CACNA1C: variants seen among roughly 807,000 people sequenced by gnomAD.
CACNA1C encodes the protein calcium voltage-gated channel subunit alpha1 C.
Under a neutral mutation model 229.0 loss-of-function variants are expected in CACNA1C, and 30 were observed. The ratio of observed to expected loss-of-function variants is 0.13; its 90% confidence interval spans 0.10 to 0.18. CACNA1C has a LOEUF of 0.18. Among genes scored for constraint, CACNA1C ranks in the 10% least tolerant of loss-of-function variants. CACNA1C has a pLI of 1.00. For missense variants in CACNA1C, 1,658 were observed against 2,845.0 expected, an observed-to-expected ratio of 0.58 and a Z score of 9.49; for synonymous variants, 1,114 against 1,132.5, an observed-to-expected ratio of 0.98 and a Z score of 0.33.
intron 13 of CACNA1C, 36 bp from the exon 14 acceptor site, chr12:2,581,554 G>A (rs1287935179): frequency 2.0e-6 from 3 of 1,521,630 alleles, no homozygotes; most frequent in East Asian, 2.5e-5. Flanking sequence ...GGACAGCAAG[G>A]GGCAGAGTGC....
intron 3 of CACNA1C, among the ~76,000 whole-genome samples, chr12:2,294,173 G>A (rs770085465): frequency 6.6e-5 from 10 of 152,114 alleles, no homozygotes; most frequent in Non-Finnish European, 1.0e-4. Flanking sequence ...TCATAATTTA[G>A]GACAGAGGAA....
At chr12:2,311,483 C>T (rs1220019162) in intron 3 of CACNA1C, among the ~76,000 whole-genome samples, 1 of 152,170 alleles carries the variant, frequency 6.6e-6, no homozygotes, top group Non-Finnish European at 1.5e-5. Context: ...CTTCAGAAAA[C>T]AGTGAAACGG....
chr12:2,346,117 C>T lies in CACNA1C; in HGVS notation c.478-102859C>T, dbSNP rs965620385. Among the ~76,000 whole-genome samples, 7 of 152,144 alleles carry T rather than the reference C, an allele frequency of 4.6e-5. No individual in the cohort carries two copies. The highest frequency in any genetic ancestry group is 2.6e-4 in the Admixed American group (4 of 15,272). On this transcript the variant is annotated intron_variant, in intron 3 of 46. Transcript: ENST00000399655. This position sits in a 1 kb window ranked among gnomAD's most constrained non-coding sequence, Gnocchi z 4.4. Reference sequence around the variant, plus strand: ...TGAAGCTCCCCAGGTGCACCAGGAGCCTTCCCAAGACCTGGATCCGCTGCA... The same window carrying T: ...TGAAGCTCCCCAGGTGCACCAGGAGTCTTCCCAAGACCTGGATCCGCTGCA...
upstream of CACNA1C, among the ~76,000 whole-genome samples, chr12:2,050,581 C>T (rs111898464): frequency 0.019 from 2,836 of 152,262 alleles, 34 homozygotes; most frequent in Middle Eastern, 0.068. Flanking sequence ...TATAATGCAT[C>T]CTAAAGTAAA....
intron 3 of CACNA1C, among the ~76,000 whole-genome samples, chr12:2,312,069 C>T (rs953200354): frequency 2.6e-5 from 4 of 152,162 alleles, no homozygotes; most frequent in Non-Finnish European, 4.4e-5. Flanking sequence ...TTCCTGGGAA[C>T]AGGCCCACAC....
At chr12:2,140,590 G>T (rs1474761355) in intron 3 of CACNA1C, among the ~76,000 whole-genome samples, 1 of 151,226 alleles carries the variant, frequency 6.6e-6, no homozygotes, top group Non-Finnish European at 1.5e-5. Context: ...ACCTCTGTTT[G>T]TTCATTTTTC....
chr12:2,076,554 T>C (rs2063271012), intron 1 of CACNA1C, among the ~76,000 whole-genome samples: 2 of 151,486 alleles, frequency 1.3e-5, no homozygotes, highest in South Asian at 4.2e-4. Flanking sequence ...CTTTCTTCCT[T>C]TGTTAAGCAA....
chr12:2,237,120 G>A (rs2067707088), intron 3 of CACNA1C, among the ~76,000 whole-genome samples: 1 of 152,140 alleles, frequency 6.6e-6, no homozygotes, highest in African/African-American at 2.4e-5. Flanking sequence ...TAGTGGATGG[G>A]CTGGGGAAGA....
At chr12:2,063,067 T>G (rs537232853) in intron 1 of CACNA1C, among the ~76,000 whole-genome samples, 1 of 152,296 alleles carries the variant, frequency 6.6e-6, no homozygotes, top group South Asian at 2.1e-4. Flanking sequence ...TCACTTTTCA[T>G]TCCCCTCTCT....
At chr12:2,485,289 G>C (rs115162510) in intron 5 of CACNA1C, among the ~76,000 whole-genome samples, 142 of 152,236 alleles carry the variant, frequency 9.3e-4, no homozygotes, top group African/African-American at 3.3e-3. Context: ...AATCTCACAC[G>C]TGACTTTCTC....
At chr12:2,464,214 T>C (rs2099535033) in intron 5 of CACNA1C, among the ~76,000 whole-genome samples, 1 of 152,154 alleles carries the variant, frequency 6.6e-6, no homozygotes, top group African/African-American at 2.4e-5. Flanking sequence ...AGACCAGCAC[T>C]AGCCTTGGAA....
chr12:2,191,607 C>T (rs563051938), intron 3 of CACNA1C, among the ~76,000 whole-genome samples: 22 of 152,194 alleles, frequency 1.4e-4, no homozygotes, highest in East Asian at 7.7e-4. Context: ...CACACACATG[C>T]GCTCAGGCAC....
chr12:2,262,473 A>T (rs969771162), intron 3 of CACNA1C, among the ~76,000 whole-genome samples: 1 of 152,228 alleles, frequency 6.6e-6, no homozygotes, highest in African/African-American at 2.4e-5. Flanking sequence ...TCAGTAGTAC[A>T]GTCTTCCCTG....
Position 2,440,989 on chromosome 12 carries a change from G to C in CACNA1C, c.478-7987G>C, listed in dbSNP as rs146136749. Among the ~76,000 whole-genome samples the C allele has an allele frequency of 3.4e-3, 522 of 152,336 alleles. 1 individual carries two copies. The highest frequency in any genetic ancestry group is 0.012 in the African/African-American group (498 of 41,556). ...GTGCATCCTTCATCTCTCAGACAGAGAATAGGCAGGAAATGCATGTAGAGG... is the reference window on the plus strand; with the variant it reads ...GTGCATCCTTCATCTCTCAGACAGACAATAGGCAGGAAATGCATGTAGAGG... On this transcript the variant is annotated intron_variant, in intron 3 of 46. Transcript: ENST00000399655.
At chr12:2,470,679 G>A (rs1228848612) in intron 5 of CACNA1C, among the ~76,000 whole-genome samples, 1 of 152,172 alleles carries the variant, frequency 6.6e-6, no homozygotes, top group Non-Finnish European at 1.5e-5. Flanking sequence ...GAGTTGTTGT[G>A]AGGATTAAAT....
intron 3 of CACNA1C, among the ~76,000 whole-genome samples, chr12:2,353,085 C>T (rs569985241): frequency 1.3e-5 from 2 of 152,196 alleles, no homozygotes; most frequent in South Asian, 2.1e-4. Context: ...GGTGCTGGGG[C>T]GAGGTCACCT....
intron 3 of CACNA1C, among the ~76,000 whole-genome samples, chr12:2,170,402 A>T (rs1466927016): frequency 2.0e-5 from 3 of 152,326 alleles, no homozygotes; most frequent in Non-Finnish European, 4.4e-5. Flanking sequence ...CTTAAGCATG[A>T]CCTAAAGAAA....
intron 32 of CACNA1C, among the ~76,000 whole-genome samples, chr12:2,652,602 T>C (rs1035615354): frequency 1.7e-4 from 26 of 152,336 alleles, no homozygotes; most frequent in African/African-American, 6.3e-4. Flanking sequence ...GGCCAGTCCC[T>C]GCCCGGGGAC....
intron 1 of CACNA1C, among the ~76,000 whole-genome samples, chr12:1,983,164 C>T (rs561111271): frequency 6.6e-6 from 1 of 151,152 alleles, no homozygotes; most frequent in Admixed American, 6.6e-5. Flanking sequence ...AGGTGTTTAC[C>T]AGTTTTACTG....
Sources: allele counts gnomAD v4.1 joint callset (sites outside exome capture counted in the v4.1 genomes callset), GRCh38; gene constraint gnomAD v4.1.1; non-coding constraint Gnocchi (gnomAD v3.1); transcripts MANE v1.5; gene names NCBI Gene and HGNC (gene_info 2026-07-23, HGNC 2026-07-21).